SYN3: variants seen among roughly 807,000 people sequenced by gnomAD.
SYN3 encodes the protein synapsin III, also known as synapsin-3.
A neutral mutation model predicts 65.8 loss-of-function variants in SYN3; 35 were observed. The ratio of observed to expected loss-of-function variants is 0.53; its 90% CI spans 0.41 to 0.70. SYN3 has a LOEUF of 0.70. Ranked by LOEUF, SYN3 falls within the 30% of genes least tolerant of loss-of-function variation. The pLI, the probability that SYN3 is intolerant of heterozygous loss-of-function variation, is 0.00. For synonymous variants in SYN3, 270 were observed against 292.9 expected, an observed-to-expected ratio of 0.92 and a Z score of 0.80; for missense variants, 680 against 749.0, an observed-to-expected ratio of 0.91 and a Z score of 1.08.
chr22:32,909,352 C>A (rs1201371199), intron 4 of SYN3, among the ~76,000 whole-genome samples: 1 of 152,182 alleles, frequency 6.6e-6, no homozygotes, highest in East Asian at 1.9e-4. Context: ...GTGACTTTGC[C>A]TCTCTGAACC....
Position 32,546,899 on chromosome 22 carries a change from G to A in SYN3, c.775-5186C>T, listed in dbSNP as rs989687126. ...TCCTTCTCTCTCTCCTTTCTCTTGC[G>A]TCCTTGCCTTCTCACTCTCTCCTCC... On this transcript the variant is annotated intron_variant, in intron 7 of 13. Coordinates refer to ENST00000358763, the MANE Select transcript of SYN3 (RefSeq NM_003490.4). Among the ~76,000 whole-genome samples, 5 of 150,140 alleles carry A rather than the reference G, an allele frequency of 3.3e-5. No individual in the cohort carries two copies. The East Asian group carries it at 5.9e-4, about 18-fold the overall frequency.
At position 32,867,453 on chromosome 22, in the gene SYN3, C is replaced by T. The variant is rs535854799; in HGVS notation, c.621+1513G>A. ...GCCCAAGAAGTATTTGCTACATGAACGAATAACTTCTAATCAGGGAGACAG... is the reference window on the plus strand; with the variant it reads ...GCCCAAGAAGTATTTGCTACATGAATGAATAACTTCTAATCAGGGAGACAG... On this transcript the variant is annotated intron_variant, in intron 5 of 13. Transcript: ENST00000358763. 3.3e-5 allele frequency among the ~76,000 whole-genome samples: 5 copies of T among 152,114 alleles called. No homozygotes were observed. In the East Asian group the frequency reaches 5.8e-4, roughly 18 times the overall value.
chr22:32,651,154 G>T (rs2060064907), intron 6 of SYN3, among the ~76,000 whole-genome samples: 1 of 152,188 alleles, frequency 6.6e-6, no homozygotes. Context: ...TGTGAGATAA[G>T]ACTCCCTTCT....
chr22:32,580,326 G>A (rs1465576987), intron 7 of SYN3, among the ~76,000 whole-genome samples: 2 of 152,054 alleles, frequency 1.3e-5, no homozygotes, highest in Non-Finnish European at 2.9e-5. Context: ...TCAGTTACTT[G>A]CAGTCAACCA....
chr22:32,982,825 TA>T (rs1336661242), intron 2 of SYN3, among the ~76,000 whole-genome samples: 3 of 152,208 alleles, frequency 2.0e-5, no homozygotes, highest in Non-Finnish European at 2.9e-5. Context: ...CTATAGAGTT[TA>T]ACCTACAGCC....
At chr22:32,552,225 G>A (rs2046319029) in intron 7 of SYN3, among the ~76,000 whole-genome samples, 1 of 152,078 alleles carries the variant, frequency 6.6e-6, no homozygotes, top group African/African-American at 2.4e-5. Flanking sequence ...CAGCCCGGGT[G>A]ACAGAGTGAG....
At chr22:32,764,509 C>T (rs57713415) in intron 6 of SYN3, among the ~76,000 whole-genome samples, 5,616 of 152,206 alleles carry the variant, frequency 0.037, 347 homozygotes, top group African/African-American at 0.13. Flanking sequence ...TTTCGGATCA[C>T]GAGAAATGGA....
chr22:32,775,619 C>A (rs902538907), intron 6 of SYN3, among the ~76,000 whole-genome samples: 1 of 152,142 alleles, frequency 6.6e-6, no homozygotes, highest in Non-Finnish European at 1.5e-5. Context: ...ACTCAAACAA[C>A]CCACCAACCT....
intron 3 of SYN3, among the ~76,000 whole-genome samples, chr22:32,970,037 C>T (rs1005929966): frequency 1.3e-5 from 2 of 152,300 alleles, no homozygotes; most frequent in African/African-American, 4.8e-5. Flanking sequence ...CTGAATGCTT[C>T]AAGAGACTGA....
chr22:32,975,510 G>T (rs2052159295), intron 3 of SYN3, among the ~76,000 whole-genome samples: 1 of 152,114 alleles, frequency 6.6e-6, no homozygotes, highest in African/African-American at 2.4e-5. Context: ...GCCCAGGCTG[G>T]TCATGAACTC....
At chr22:33,008,128 G>C (rs1338998776) in intron 1 of SYN3, among the ~76,000 whole-genome samples, 2 of 152,072 alleles carry the variant, frequency 1.3e-5, no homozygotes, top group Admixed American at 6.5e-5. Context: ...GTAGAGATGA[G>C]GTTTCACCAT....
chr22:32,952,379 A>T (rs777436098), intron 3 of SYN3, among the ~76,000 whole-genome samples: 9 of 152,174 alleles, frequency 5.9e-5, no homozygotes, highest in Non-Finnish European at 1.2e-4. Context: ...AACACAGAAA[A>T]AAAATAAAAT....
At position 32,586,712 on chromosome 22, in the gene SYN3, C is replaced by T. The variant is rs2059048631; in HGVS notation, c.774+9962G>A. On this transcript the variant is annotated intron_variant, in intron 7 of 13. Transcript: ENST00000358763. ...AGGTCCGTGAATGGCCACAAAACTG[C>T]TGCGAGATTTCATTTTGGGGCTACA... Among the ~76,000 whole-genome samples, 4 of 152,076 alleles carry T rather than the reference C, an allele frequency of 2.6e-5. No homozygotes were observed. In the South Asian group the frequency reaches 8.3e-4, roughly 32 times the overall value.
At chr22:32,605,145 G>A (rs558537847) in intron 6 of SYN3, among the ~76,000 whole-genome samples, 48 of 152,036 alleles carry the variant, frequency 3.2e-4, no homozygotes, top group Middle Eastern at 3.4e-3. Context: ...CACAAGGCCC[G>A]GCAGACAGTA....
rs139880933 is a variant in SYN3, at chr22:32,549,264, T to G, written c.775-7551A>C. ...TGAGGATAACATGCAAGCTTTTTTTTTTTGTTTGAGACAGAGTCTCCCTCT... is the reference window on the plus strand; with the variant it reads ...TGAGGATAACATGCAAGCTTTTTTTGTTTGTTTGAGACAGAGTCTCCCTCT... On this transcript the variant is annotated intron_variant, in intron 7 of 13. Transcript: ENST00000358763. Among the ~76,000 whole-genome samples the G allele has an allele frequency of 7.2e-5, 11 of 152,230 alleles. No individual in the cohort carries two copies. The East Asian group carries it at 1.7e-3, about 24-fold the overall frequency.
At chr22:32,600,693 A>AT (rs36106259) in intron 6 of SYN3, among the ~76,000 whole-genome samples, 32 of 149,742 alleles carry the variant, frequency 2.1e-4, no homozygotes, top group Middle Eastern at 3.4e-3. Flanking sequence ...ACTTAATATG[A>AT]TTTTTTTTTT....
chr22:32,937,840 C>CAA (rs137557), intron 3 of SYN3, among the ~76,000 whole-genome samples: 51 of 151,404 alleles, frequency 3.4e-4, no homozygotes, highest in Middle Eastern at 6.8e-3. Flanking sequence ...AAAATACACA[C>CAA]AAAAAAAAGC....
chr22:32,742,695 T>C (rs1439124546), intron 6 of SYN3, among the ~76,000 whole-genome samples: 11 of 152,178 alleles, frequency 7.2e-5, no homozygotes, highest in Non-Finnish European at 7.4e-5. Flanking sequence ...CCAAAGCCCA[T>C]ATTCTTTCCA....
At chr22:33,024,373 G>T (rs2053606496) in intron 1 of SYN3, among the ~76,000 whole-genome samples, 1 of 152,162 alleles carries the variant, frequency 6.6e-6, no homozygotes, top group Non-Finnish European at 1.5e-5. Context: ...CTCTCCAGAG[G>T]CTCTGATTCC....
Sources: allele counts gnomAD v4.1 joint callset (sites outside exome capture counted in the v4.1 genomes callset), GRCh38; gene constraint gnomAD v4.1.1; transcripts MANE v1.5; gene names NCBI Gene and HGNC (gene_info 2026-07-23, HGNC 2026-07-21).